Variants in DCAF6 observed in about 807,000 individuals in gnomAD.
The protein encoded by DCAF6 is DDB1- and CUL4-associated factor 6.
A neutral mutation model predicts 125.1 loss-of-function variants in DCAF6; 54 were observed. The ratio of observed to expected loss-of-function variants is 0.43; its 90% confidence interval spans 0.35 to 0.54. The LOEUF is 0.54. Among genes scored for constraint, DCAF6 ranks in the 20% least tolerant of loss-of-function variants. DCAF6 has a pLI of 0.01. For synonymous variants in DCAF6, 371 were observed against 390.4 expected, an observed-to-expected ratio of 0.95 and a Z score of 0.58; for missense variants, 934 against 1,161.7, an observed-to-expected ratio of 0.80 and a Z score of 2.85.
At chr1:168,005,357 G>C (rs1330299903) in intron 10 of DCAF6, among the ~76,000 whole-genome samples, 1 of 152,022 alleles carries the variant, frequency 6.6e-6, no homozygotes. Flanking sequence ...CTTGATGCTA[G>C]TGAAAATAAC....
At chr1:168,029,981 A>G (rs1288858703) in intron 12 of DCAF6, among the ~76,000 whole-genome samples, 1 of 148,594 alleles carries the variant, frequency 6.7e-6, no homozygotes, top group Non-Finnish European at 1.5e-5. Context: ...CTCCGTCTCA[A>G]AAAAAAAAAA....
At chr1:167,883,425 G>A in the DCAF6 span, 2 of 1,613,972 alleles carry the variant, frequency 1.2e-6, no homozygotes, top group Admixed American at 1.7e-5. Flanking sequence ...CCATCCCATA[G>A]TTCACACTTA....
intron 10 of DCAF6, among the ~76,000 whole-genome samples, chr1:168,007,537 C>T (rs1269189051): frequency 1.3e-5 from 2 of 152,104 alleles, no homozygotes; most frequent in African/African-American, 2.4e-5. Context: ...TCACTAGTGA[C>T]ATTCACCAGT....
chr1:168,064,269 C>T (rs1189132516), intron 18 of DCAF6, among the ~76,000 whole-genome samples: 1 of 152,008 alleles, frequency 6.6e-6, no homozygotes, highest in East Asian at 1.9e-4. Flanking sequence ...AGAAAGATCT[C>T]TAAGATCTTT....
Position 168,075,596 on chromosome 1 carries a change from A to G in DCAF6, c.*161A>G. The G allele has an allele frequency of 1.7e-6, 1 of 590,450 alleles. No homozygotes were observed. The highest frequency in any genetic ancestry group is 2.8e-6 in the Non-Finnish European group (1 of 351,502). 36.6% of individuals were successfully genotyped at this position (590,450 alleles called of 1,614,324 possible). The stretch of plus-strand genomic sequence containing the variant: ...ACATTGGTTTGGAATGATTGTGTGC[A>G]TGAATTTGGGAGATTGTATAAAACA... On this transcript the variant is annotated 3_prime_UTR_variant, in exon 22 of 22. Transcript: ENST00000367840.
At chr1:168,029,163 C>CTA (rs1245199331) in intron 12 of DCAF6, among the ~76,000 whole-genome samples, 2 of 152,132 alleles carry the variant, frequency 1.3e-5, no homozygotes, top group Non-Finnish European at 2.9e-5. Context: ...CTGATCAAAC[C>CTA]TATACCTCCA....
chr1:167,944,981 G>A (rs1361630180), intron 1 of DCAF6, among the ~76,000 whole-genome samples: 1 of 152,150 alleles, frequency 6.6e-6, no homozygotes, highest in Non-Finnish European at 1.5e-5. Context: ...AGAGGGTTTC[G>A]TTTCCACAGT....
the DCAF6 span, chr1:167,893,817 C>T: frequency 7.0e-7 from 1 of 1,433,400 alleles, no homozygotes; most frequent in Middle Eastern, 1.8e-4. Flanking sequence ...AGATCCCTGA[C>T]ATCCCCAAAG....
intron 7 of DCAF6, among the ~76,000 whole-genome samples, chr1:167,996,764 A>G (rs985900006): frequency 2.6e-5 from 4 of 152,160 alleles, no homozygotes; most frequent in East Asian, 3.8e-4. Flanking sequence ...CAGGCCAAGC[A>G]TGACTCTATT....
At chr1:167,975,633 A>C (rs1678033247) in intron 4 of DCAF6, among the ~76,000 whole-genome samples, 1 of 152,022 alleles carries the variant, frequency 6.6e-6, no homozygotes, top group South Asian at 2.1e-4. Context: ...GCAGCTTCAA[A>C]CTCCCAGGCT....
chr1:167,876,023 G>A, the DCAF6 span, among the ~76,000 whole-genome samples: 56 of 152,222 alleles, frequency 3.7e-4, no homozygotes, highest in African/African-American at 1.2e-3. Flanking sequence ...TTGGGAGGCC[G>A]AGGCAGGTGG....
chr1:168,063,820 C>T (rs1192226652), intron 18 of DCAF6, 61 bp downstream of exon 18: 1 of 1,516,938 alleles, frequency 6.6e-7, no homozygotes, highest in Non-Finnish European at 8.9e-7. Context: ...AGTGTTTTTC[C>T]ATAATGATTT....
At chr1:168,054,318 G>A (rs1048589807) in intron 17 of DCAF6, among the ~76,000 whole-genome samples, 1 of 152,150 alleles carries the variant, frequency 6.6e-6, no homozygotes, top group Non-Finnish European at 1.5e-5. Flanking sequence ...AGCTGGCACA[G>A]GAAATCACAT....
chr1:167,895,180 CAAA>C, the DCAF6 span, among the ~76,000 whole-genome samples: 9 of 67,720 alleles, frequency 1.3e-4, no homozygotes, highest in East Asian at 3.9e-4. Context: ...GACTCCATCT[CAAA>C]AAAAAAAAAA....
At chr1:168,024,988 A>T (rs1686154673) in intron 12 of DCAF6, among the ~76,000 whole-genome samples, 1 of 152,110 alleles carries the variant, frequency 6.6e-6, no homozygotes, top group Non-Finnish European at 1.5e-5. Context: ...GTGTTATTTT[A>T]TATGTTTATT....
intron 17 of DCAF6, among the ~76,000 whole-genome samples, chr1:168,053,904 T>G (rs1690268579): frequency 6.6e-6 from 1 of 152,172 alleles, no homozygotes; most frequent in South Asian, 2.1e-4. Context: ...AGGGCCAGCC[T>G]CATAAGCAGA....
chr1:168,025,401 A>G (rs1000628472), intron 12 of DCAF6, among the ~76,000 whole-genome samples: 6 of 152,116 alleles, frequency 3.9e-5, no homozygotes, highest in Admixed American at 3.3e-4. Context: ...TATGATATAC[A>G]TTTTAGTCAT....
Position 168,055,200 on chromosome 1 carries a change from AAGT to A in DCAF6, c.2300+4270_2300+4272del, listed in dbSNP as rs1453969359. ...TAGAAAAGTTTTATAGCTACTATGA[AAGT>A]AGAGATATAGAAATGTAATAATTGT... On this transcript the variant is annotated intron_variant, in intron 17 of 21. Transcript: ENST00000367840. 3.3e-5 allele frequency among the ~76,000 whole-genome samples: 5 copies of A among 152,252 alleles called. No individual in the cohort carries two copies. In the South Asian group the frequency reaches 8.3e-4, roughly 25 times the overall value.
intron 3 of DCAF6, chr1:167,968,413 A>C (rs1676782585): frequency 1.3e-5 from 2 of 152,388 alleles, no homozygotes; most frequent in Admixed American, 1.3e-4. Flanking sequence ...ACTGGATGGC[A>C]GGGAAGTCTC....
Sources: allele counts gnomAD v4.1 joint callset (sites outside exome capture counted in the v4.1 genomes callset), GRCh38; gene constraint gnomAD v4.1.1; transcripts MANE v1.5; gene names NCBI Gene and HGNC (gene_info 2026-07-23, HGNC 2026-07-21).